The following SDCCAG8 variants were observed in gnomAD, a reference collection of about 807,000 sequenced individuals.
The protein encoded by SDCCAG8 is serologically defined colon cancer antigen 8.
In SDCCAG8, 74 loss-of-function variants were observed where a neutral mutation model predicts 101.8. That is an observed-to-expected ratio of 0.73 (90% CI 0.60 to 0.88). The LOEUF is 0.88. Ranked by LOEUF, SDCCAG8 falls within the 40% of genes least tolerant of loss-of-function variation. The pLI is 0.00. For missense variants in SDCCAG8, 787 were observed against 822.6 expected (o/e 0.96, Z 0.53); for synonymous variants, 281 against 292.9 (o/e 0.96, Z 0.41).
chr1:243,498,969 G>A (rs938360394), intron 17 of SDCCAG8, among the ~76,000 whole-genome samples: 3 of 152,252 alleles, frequency 2.0e-5, no homozygotes, highest in Admixed American at 6.5e-5. Flanking sequence ...GAGGACTGTG[G>A]CCCAGTCACC....
At chr1:243,436,352 A>AT (rs1220303484) in intron 16 of SDCCAG8, among the ~76,000 whole-genome samples, 2 of 151,984 alleles carry the variant, frequency 1.3e-5, no homozygotes, top group African/African-American at 2.4e-5. Flanking sequence ...TTTTCTATAA[A>AT]TTTTATAGTT....
At chr1:243,354,505 C>T (rs566447696) in intron 12 of SDCCAG8, among the ~76,000 whole-genome samples, 3 of 152,338 alleles carry the variant, frequency 2.0e-5, no homozygotes, top group Admixed American at 6.5e-5. Context: ...TAAAGCCCCA[C>T]TCTGAATTAA....
rs2074519196 is a variant in SDCCAG8 at position 243,330,647 on chromosome 1, GA to G, written c.1177del (p.Met393Ter). ...QEKRAIEKDM[M>X]KKEITKEREY... ...AGAAAAGGGCCATTGAGAAAGACAT[GA>G]TGAAAAAGGAAATAACGAAAGAAAG... On this transcript the variant is annotated frameshift_variant, in exon 10 of 18. Transcript: ENST00000366541. LOFTEE classifies it high-confidence loss of function. 6.2e-7 allele frequency: 1 copy of G among 1,613,900 alleles called. No individual in the cohort carries two copies. The highest frequency in any genetic ancestry group is 1.7e-5 in the Admixed American group (1 of 60,004).
Position 243,489,133 on chromosome 1 carries a change from G to T in SDCCAG8, c.2105G>T (p.Arg702Leu). The change falls in exon 17 of 18, where the codon CGG becomes CTG. Residue 702 changes from arginine (R) to leucine (L), a missense_variant. By Grantham distance (102) the Arg-to-Leu change is moderately radical. Coordinates refer to ENST00000366541, the MANE Select transcript of SDCCAG8 (RefSeq NM_006642.5). ...CTGTCGGAAGAGGTGGACCGGCTGC[G>T]GACCCAGGTACTGTGCAGAACGCGG... The part of the protein sequence containing the change: ...QSLSEEVDRL[R>L]TQLPSMPQSD... 4 of 1,612,264 alleles carry T rather than the reference G, an allele frequency of 2.5e-6. No homozygotes were observed. The highest frequency in any genetic ancestry group is 3.4e-6 in the Non-Finnish European group (4 of 1,179,870).
At chr1:243,287,879 A>G (rs1332858074) in intron 5 of SDCCAG8, among the ~76,000 whole-genome samples, 2 of 152,214 alleles carry the variant, frequency 1.3e-5, no homozygotes, top group Non-Finnish European at 2.9e-5. Flanking sequence ...ATCAGAGGGC[A>G]AGAGAAATGA....
chr1:243,446,451 A>G (rs370823457), intron 16 of SDCCAG8, among the ~76,000 whole-genome samples: 16 of 152,174 alleles, frequency 1.1e-4, no homozygotes, highest in African/African-American at 3.9e-4. Context: ...TGTTTTATAG[A>G]CACAAGGTCT....
At chr1:243,431,794 T>A (rs1281143634) in intron 16 of SDCCAG8, among the ~76,000 whole-genome samples, 1 of 152,172 alleles carries the variant, frequency 6.6e-6, no homozygotes. Flanking sequence ...ACCTGTGTCC[T>A]CTCATCTGGG....
intron 13 of SDCCAG8, among the ~76,000 whole-genome samples, chr1:243,402,974 C>A (rs2079507593): frequency 6.6e-6 from 1 of 152,130 alleles, no homozygotes; most frequent in Non-Finnish European, 1.5e-5. Flanking sequence ...ATAATAAGTT[C>A]TTCTATATCT....
intron 12 of SDCCAG8, among the ~76,000 whole-genome samples, chr1:243,374,832 A>C (rs2077501700): frequency 6.6e-6 from 1 of 152,134 alleles, no homozygotes; most frequent in Non-Finnish European, 1.5e-5. Flanking sequence ...GGTGCCAAGA[A>C]GGATATATCC....
intron 16 of SDCCAG8, among the ~76,000 whole-genome samples, chr1:243,434,193 G>C (rs1303194634): frequency 1.3e-5 from 2 of 152,206 alleles, no homozygotes; most frequent in Non-Finnish European, 2.9e-5. Context: ...TGGTTTCCCA[G>C]TAACTACATT....
At chr1:243,463,306 T>A (rs767860963) in intron 16 of SDCCAG8, among the ~76,000 whole-genome samples, 3 of 152,238 alleles carry the variant, frequency 2.0e-5, no homozygotes, top group Non-Finnish European at 2.9e-5. Context: ...GTGGCAACAC[T>A]TGATGGCTAG....
Position 243,341,181 on chromosome 1 carries a change from A to G in SDCCAG8, c.1356+8A>G. On this transcript the variant is annotated splice_region_variant and intron_variant, in intron 11 of 17. Transcript: ENST00000366541. ...GAAATGGATGTCACAAAGGTACAGA[A>G]AGAGATTTTAGTGTAATCGTTACTT... 1.2e-6 allele frequency: 2 copies of G among 1,613,828 alleles called. No homozygotes were observed. Among genetic ancestry groups the G allele is most frequent in the Non-Finnish European group, 1.7e-6 (2 of 1,179,782 alleles).
At chr1:243,307,722 C>T (rs1050814607) in intron 7 of SDCCAG8, 1 of 1,355,592 alleles carries the variant, frequency 7.4e-7, no homozygotes, top group Non-Finnish European at 9.5e-7. Context: ...GAGCCAGTGT[C>T]AGGCGGATTC....
chr1:243,369,907 CA>C (rs2077191767), intron 12 of SDCCAG8, among the ~76,000 whole-genome samples: 1 of 152,026 alleles, frequency 6.6e-6, no homozygotes, highest in Non-Finnish European at 1.5e-5. Flanking sequence ...CTATTTATTT[CA>C]ACATTGTCTT....
At chr1:243,335,026 A>G (rs2074899984) in intron 10 of SDCCAG8, among the ~76,000 whole-genome samples, 1 of 152,170 alleles carries the variant, frequency 6.6e-6, no homozygotes, top group Non-Finnish European at 1.5e-5. Flanking sequence ...AGTCCCTTGC[A>G]TGTAACATCC....
At chr1:243,294,220 T>C (rs2149297314) in intron 6 of SDCCAG8, among the ~76,000 whole-genome samples, 1 of 152,266 alleles carries the variant, frequency 6.6e-6, no homozygotes, top group East Asian at 1.9e-4. Context: ...ATTGAGCATT[T>C]CCCTATTGTA....
At chr1:243,345,836 G>A (rs1312504927) in intron 12 of SDCCAG8, among the ~76,000 whole-genome samples, 1 of 152,184 alleles carries the variant, frequency 6.6e-6, no homozygotes, top group Non-Finnish European at 1.5e-5. Flanking sequence ...ATTAATCCGT[G>A]ATGGTATGGA....
intron 13 of SDCCAG8, among the ~76,000 whole-genome samples, chr1:243,396,494 A>G (rs913400441): frequency 1.3e-5 from 2 of 152,220 alleles, no homozygotes; most frequent in Non-Finnish European, 2.9e-5. Flanking sequence ...TATAATTGAA[A>G]TGGTACATAT....
intron 10 of SDCCAG8, among the ~76,000 whole-genome samples, chr1:243,340,219 G>C (rs1259354307): frequency 6.6e-6 from 1 of 152,218 alleles, no homozygotes. Flanking sequence ...TACTGTGGTT[G>C]AGGTACACAG....
Sources: allele counts gnomAD v4.1 joint callset (sites outside exome capture counted in the v4.1 genomes callset), GRCh38; gene constraint gnomAD v4.1.1; transcripts MANE v1.5; gene names NCBI Gene and HGNC (gene_info 2026-07-23, HGNC 2026-07-21).